Variants in FCHSD1 observed in about 807,000 individuals in gnomAD.
FCHSD1 encodes F-BAR and double SH3 domains protein 1.
A neutral mutation model predicts 101.3 loss-of-function variants in FCHSD1; 109 were observed. The observed-to-expected ratio is 1.08, with a 90% CI of 0.92 to 1.26. The LOEUF is 1.26. FCHSD1 is among the 50% of genes most tolerant of loss of function. The probability of loss-of-function intolerance (pLI) is 0.00; values close to 1 mark genes in which losing one functional copy is unlikely to be tolerated. For missense variants in FCHSD1, 820 were observed against 895.8 expected (o/e 0.92, Z 1.08); for synonymous variants, 291 against 356.8 (o/e 0.82, Z 2.08).
chr5:141,646,625 TTG>T lies in FCHSD1; in HGVS notation c.1020_1021del (p.Tyr340Ter). Reference sequence around the variant, plus strand: ...CACCCGATGCCCATGGTTCTGGATCTTGTAGTCACGGGCAGCTCGGCTGGTCA... The same window carrying T: ...CACCCGATGCCCATGGTTCTGGATCTTAGTCACGGGCAGCTCGGCTGGTCA... On this transcript the variant is annotated stop_gained and frameshift_variant, in exon 11 of 20. Coordinates refer to ENST00000435817, the MANE Select transcript of FCHSD1 (RefSeq NM_033449.3). LOFTEE classifies it high-confidence loss of function. The T allele has an allele frequency of 6.2e-7, 1 of 1,613,220 alleles. No individual in the cohort carries two copies. Among genetic ancestry groups the T allele is most frequent in the Non-Finnish European group, 8.5e-7 (1 of 1,179,674 alleles).
rs1416407620 is a variant in FCHSD1 at position 141,646,119 on chromosome 5, G to A, written c.1117C>T (p.Gln373Ter). The change falls in exon 12 of 20, where the codon CAG (glutamine) becomes TAG (stop). Residue 373 changes from glutamine (Q) to a stop codon, truncating the protein, a stop_gained. Coordinates refer to ENST00000435817, the MANE Select transcript of FCHSD1 (RefSeq NM_033449.3). LOFTEE classifies it high-confidence loss of function. Reference sequence around the variant, plus strand: ...CGGCGGATGCTCTCTCGCACTTCCTGTAACCTCTGTTCTATGCTTGGAGCC... The same window carrying A: ...CGGCGGATGCTCTCTCGCACTTCCTATAACCTCTGTTCTATGCTTGGAGCC... ...REAPSIEQRL[Q>*]EVRESIRRAQ... The A allele has an allele frequency of 6.8e-6, 11 of 1,612,454 alleles. No individual in the cohort carries two copies. The highest frequency in any genetic ancestry group is 1.7e-5 in the Admixed American group (1 of 59,870).
At chr5:141,644,073 C>T in intron 17 of FCHSD1, 145 bp downstream of exon 17, 1 of 780,744 alleles carries the variant, frequency 1.3e-6, no homozygotes, top group Non-Finnish European at 2.0e-6. Flanking sequence ...TTTCCCTGCC[C>T]CCCCATAGGA....
At chr5:141,643,823 G>A (rs2099907300) in intron 17 of FCHSD1, among the ~76,000 whole-genome samples, 1 of 151,398 alleles carries the variant, frequency 6.6e-6, no homozygotes, top group Non-Finnish European at 1.5e-5. Flanking sequence ...ACTCCAGCCT[G>A]GGCAACAAGA....
rs1177547824 is a variant in FCHSD1 at position 141,640,410 on chromosome 5, A to G, written c.*1088T>C. On this transcript the variant is annotated 3_prime_UTR_variant, in exon 20 of 20. Transcript: ENST00000435817. ...ATTGTTGACCCCTCCCCTTTCTCTC[A>G]GGTGTCTCTACCACAGGGAGCAGGG... is the stretch of plus-strand genomic sequence containing the variant. The G allele has an allele frequency of 3.7e-6, 6 of 1,613,992 alleles. No homozygotes were observed. The African/African-American group carries it at 4.0e-5, about 11-fold the overall frequency.
rs2099907467 is a variant in FCHSD1 at position 141,644,960 on chromosome 5, G to A, written c.1441-18C>T. On this transcript the variant is annotated intron_variant, in intron 14 of 19. Transcript: ENST00000435817. ...CGCCCTGCCTGGGCCACACACGAAG[G>A]ATTCAGGACTTGGCTGTCCCCCACC... 6.2e-7 allele frequency: 1 copy of A among 1,613,922 alleles called. No individual in the cohort carries two copies.
chr5:141,646,542 C>A, intron 11 of FCHSD1, 61 bp downstream of exon 11: 2 of 1,550,734 alleles, frequency 1.3e-6, no homozygotes, highest in South Asian at 1.2e-5. Flanking sequence ...AAGATCCCCT[C>A]TCTCAGCTCT....
chr5:141,640,259 T>C lies in FCHSD1; in HGVS notation c.*1239A>G, dbSNP rs748779251. 1.9e-6 allele frequency: 3 copies of C among 1,613,964 alleles called. No individual in the cohort carries two copies. The highest frequency in any genetic ancestry group is 1.1e-5 in the South Asian group (1 of 91,078). ...CAGGGCTGCCCACTCAAGAGGCAAA[T>C]GGGCAGCCAAGCAAACCAGACACTT... On this transcript the variant is annotated 3_prime_UTR_variant, in exon 20 of 20. Transcript: ENST00000435817.
chr5:141,642,288 G>A (rs554260952), intron 18 of FCHSD1: 8 of 587,116 alleles, frequency 1.4e-5, no homozygotes, highest in Admixed American at 3.5e-5. Flanking sequence ...TTATAAGTGG[G>A]AGCTAAACAA....
chr5:141,649,524 C>T lies in FCHSD1; in HGVS notation c.246G>A (p.Val82=). ...CCAGCAGGCAGCGCCAGGCACCGAACACTGTCCTGCCCCTCCCCAGAGAAG... is the reference window on the plus strand; with the variant it reads ...CCAGCAGGCAGCGCCAGGCACCGAATACTGTCCTGCCCCTCCCCAGAGAAG... ...SGEMDSRGRT[V]FGAWRCLLDA... is the part of the protein sequence containing the mutation. The change falls in exon 5 of 20, where the codon GTG becomes GTA. Residue 82 remains valine (V), a synonymous_variant. Coordinates refer to ENST00000435817, the MANE Select transcript of FCHSD1 (RefSeq NM_033449.3). This position sits in a 1 kb window ranked among gnomAD's most constrained non-coding sequence, Gnocchi z 4.1. The T allele has an allele frequency of 1.9e-6, 3 of 1,612,562 alleles. No homozygotes were observed. The highest frequency in any genetic ancestry group is 1.7e-6 in the Non-Finnish European group (2 of 1,179,628).
intron 7 of FCHSD1, 50 bp from the exon 8 acceptor site, chr5:141,648,146 T>C (rs1562391345): frequency 6.5e-7 from 1 of 1,538,980 alleles, no homozygotes. Flanking sequence ...CCCAGAGTCC[T>C]TCCAAGACCA....
At position 141,649,393 on chromosome 5, in the gene FCHSD1, A is replaced by T. The variant is rs1396337044; in HGVS notation, c.375+2T>A. 3.1e-6 allele frequency: 5 copies of T among 1,613,740 alleles called. No individual in the cohort carries two copies. Among genetic ancestry groups the T allele is most frequent in the Non-Finnish European group, 4.2e-6 (5 of 1,179,840 alleles). ...TCCTTCACCCCAACCTCTGAGCCAT[A>T]CCTTCCTAAGCACCTGCTCCTTGGC... On this transcript the variant is annotated splice_donor_variant, in intron 5 of 19. Transcript: ENST00000435817. LOFTEE classifies it high-confidence loss of function. The surrounding 1 kb of genome is among the most constrained non-coding windows in gnomAD (Gnocchi z 4.1).
At position 141,640,045 on chromosome 5, in the gene FCHSD1, G is replaced by C. The variant is rs1240873689; in HGVS notation, c.*1453C>G. The C allele has an allele frequency of 6.2e-7, 1 of 1,613,524 alleles. No individual in the cohort carries two copies. ...GGGGGTGGTCAGGGGTCTGGGGGAG[G>C]GCAGCCCAAGGCAGGGATGCCTGCC... is the stretch of plus-strand genomic sequence containing the variant. On this transcript the variant is annotated 3_prime_UTR_variant, in exon 20 of 20. Transcript: ENST00000435817.
chr5:141,644,317 C>A lies in FCHSD1; in HGVS notation c.1764G>T (p.Trp588Cys). The A allele has an allele frequency of 6.2e-7, 1 of 1,613,924 alleles. No individual in the cohort carries two copies. The highest frequency in any genetic ancestry group is 8.5e-7 in the Non-Finnish European group (1 of 1,179,860). Residue 588 changes from tryptophan to cysteine, a missense_variant, in exon 17 of 20, where the codon TGG becomes TGT. Coordinates refer to ENST00000435817, the MANE Select transcript of FCHSD1 (RefSeq NM_033449.3). The part of the protein sequence containing the change: ...RAQDGVDDGF[W>C]RGEFGGRVGV... ...CAACACGGCCCCCAAATTCTCCCCT[C>A]CAGAAGCCGTCATCTACTCCATCTT...
intron 18 of FCHSD1, chr5:141,642,290 G>A (rs574295123): frequency 3.4e-6 from 2 of 588,810 alleles, no homozygotes; most frequent in East Asian, 6.0e-5. Context: ...ATAAGTGGGA[G>A]CTAAACAACG....
Position 141,646,701 on chromosome 5 carries a change from C to T in FCHSD1, c.946G>A (p.Ala316Thr), listed in dbSNP as rs2099907711. ...CCACTCTTGCCAGCCACGCCTTCTGCTCCCCACTCCAGGACACACACCTGA... is the reference window on the plus strand; with the variant it reads ...CCACTCTTGCCAGCCACGCCTTCTGTTCCCCACTCCAGGACACACACCTGA... ...TDQVCVLEWG[A>T]EGVAGKSGLE... Residue 316 changes from alanine to threonine, a missense_variant, in exon 11 of 20, where the codon GCA (alanine) becomes ACA (threonine). Coordinates refer to ENST00000435817, the MANE Select transcript of FCHSD1 (RefSeq NM_033449.3). 3.7e-6 allele frequency: 6 copies of T among 1,613,054 alleles called. No individual in the cohort carries two copies. The South Asian group carries it at 5.5e-5, about 15-fold the overall frequency.
Position 141,641,261 on chromosome 5 carries a change from A to C in FCHSD1, c.*237T>G. 4.7e-6 allele frequency: 2 copies of C among 423,814 alleles called. No homozygotes were observed. Among genetic ancestry groups the C allele is most frequent in the Non-Finnish European group, 8.3e-6 (2 of 241,758 alleles). 26.3% of individuals were successfully genotyped at this position (423,814 alleles called of 1,614,324 possible). On this transcript the variant is annotated 3_prime_UTR_variant, in exon 20 of 20. Transcript: ENST00000435817. ...TTTCAGGCATTTCACCACCCTAGAT[A>C]GGGTCATGACAGAAGAGAAGGTAGT...
chr5:141,645,997 C>G, intron 12 of FCHSD1, 65 bp from the exon 13 acceptor site: 2 of 1,538,664 alleles, frequency 1.3e-6, no homozygotes, highest in East Asian at 4.8e-5. Flanking sequence ...TCTGCTTCTC[C>G]CTTCCTTCCT....
rs775972982 is a variant in FCHSD1 at position 141,641,548 on chromosome 5, G to A, written c.2023C>T (p.Pro675Ser). Reference protein sequence around the residue: ...PRLRPMRPPPPPPAKAPDPGH... With the variant: ...PRLRPMRPPPSPPAKAPDPGH... ...GGATCCGGGGCTTTAGCCGGCGGGG[G>A]AGGTGGTGGACGCATCTGTAGGGAA... Residue 675 changes from proline to serine, a missense_variant, in exon 20 of 20, where the codon CCC becomes TCC. Transcript: ENST00000435817. 6.5e-7 allele frequency: 1 copy of A among 1,526,806 alleles called. No homozygotes were observed. Among genetic ancestry groups the A allele is most frequent in the Middle Eastern group, 1.8e-4 (1 of 5,616 alleles). The allele number at this position is 1,526,806 out of a possible 1,614,324, so 94.6% of individuals were successfully genotyped here.
rs28370911 is a variant in FCHSD1, at chr5:141,649,644, A to G, written c.234-108T>C. ...ACCATGGGAGACAGAGTGCTTTCCC[A>G]TCCTCCCTTGTCTGGGAGCCCATCA... On this transcript the variant is annotated intron_variant, in intron 4 of 19. Coordinates refer to ENST00000435817, the MANE Select transcript of FCHSD1 (RefSeq NM_033449.3). The surrounding 1 kb of genome is among the most constrained non-coding windows in gnomAD (Gnocchi z 4.1). The G allele has an allele frequency of 7.6e-4, 1,086 of 1,424,034 alleles. 13 individuals are homozygous for G. The African/African-American group carries it at 0.014, about 18-fold the overall frequency. The allele number at this position is 1,424,034 out of a possible 1,614,324, so 88.2% of individuals were successfully genotyped here.
Sources: allele counts gnomAD v4.1 joint callset (sites outside exome capture counted in the v4.1 genomes callset), GRCh38; gene constraint gnomAD v4.1.1; non-coding constraint Gnocchi (gnomAD v3.1); transcripts MANE v1.5; gene names NCBI Gene and HGNC (gene_info 2026-07-23, HGNC 2026-07-21).